Variants in RPS6KC1 observed in about 807,000 individuals in gnomAD.
The protein encoded by RPS6KC1 is inactive ribosomal protein S6 kinase delta-1.
In RPS6KC1, 54 loss-of-function variants were observed where a neutral mutation model predicts 103.8. The observed-to-expected ratio is 0.52, with a 90% confidence interval of 0.42 to 0.65. The LOEUF is 0.65. RPS6KC1 is among the 30% of genes least tolerant of loss of function. The pLI is 0.00. For missense variants in RPS6KC1, 1,151 were observed against 1,253.8 expected (o/e 0.92, Z 1.24); for synonymous variants, 439 against 438.7 (o/e 1.00, Z -0.01).
the RPS6KC1 span, among the ~76,000 whole-genome samples, chr1:213,496,859 A>C: frequency 2.1e-3 from 322 of 152,316 alleles, no homozygotes; most frequent in African/African-American, 7.0e-3. Context: ...GAGTGCAATG[A>C]CCTTGTATCA....
the RPS6KC1 span, among the ~76,000 whole-genome samples, chr1:213,428,480 C>CCCTTCCTTCCTTCCTTCCTTCCTTCCTT: frequency 4.9e-4 from 14 of 28,482 alleles, no homozygotes; most frequent in African/African-American, 1.7e-3. Flanking sequence ...CTCCCTCCCT[C>CCCTTCCTTCCTTCCTTCCTTCCTTCCTT]CCTTCCTTCC....
At chr1:213,347,726 T>C in the RPS6KC1 span, among the ~76,000 whole-genome samples, 2 of 152,010 alleles carry the variant, frequency 1.3e-5, no homozygotes, top group Non-Finnish European at 2.9e-5. Flanking sequence ...AAATAAAATG[T>C]ATGGGTAATT....
chr1:213,418,005 ACT>A, the RPS6KC1 span, among the ~76,000 whole-genome samples: 4 of 152,034 alleles, frequency 2.6e-5, no homozygotes, highest in African/African-American at 9.7e-5. Flanking sequence ...ATGCTCTCTG[ACT>A]GAGGGGAAAG....
intron 4 of RPS6KC1, among the ~76,000 whole-genome samples, chr1:213,114,564 A>T (rs1325671205): frequency 6.6e-6 from 1 of 151,842 alleles, no homozygotes; most frequent in Non-Finnish European, 1.5e-5. Flanking sequence ...CTTCTGCCTA[A>T]TTGCCCTGGC....
chr1:213,165,559 G>T (rs1460686062), intron 6 of RPS6KC1, among the ~76,000 whole-genome samples: 1 of 152,058 alleles, frequency 6.6e-6, no homozygotes, highest in Non-Finnish European at 1.5e-5. Context: ...GAGTAGCTGG[G>T]ACTACAGGTT....
At chr1:213,127,588 T>A (rs1004492296) in intron 5 of RPS6KC1, among the ~76,000 whole-genome samples, 3 of 152,084 alleles carry the variant, frequency 2.0e-5, no homozygotes, top group African/African-American at 7.3e-5. Context: ...CTGTCATTAT[T>A]CAGACTTGTG....
At chr1:213,553,461 A>G in the RPS6KC1 span, among the ~76,000 whole-genome samples, 3 of 152,216 alleles carry the variant, frequency 2.0e-5, no homozygotes, top group South Asian at 2.1e-4. Flanking sequence ...TAGTGCTGCA[A>G]TAAACATATG....
At chr1:213,595,033 A>T in the RPS6KC1 span, among the ~76,000 whole-genome samples, 2 of 152,202 alleles carry the variant, frequency 1.3e-5, no homozygotes, top group Non-Finnish European at 2.9e-5. Flanking sequence ...CCGTTCCAGA[A>T]CAATACTTCT....
chr1:213,657,433 AAT>A, the RPS6KC1 span, among the ~76,000 whole-genome samples: 3 of 152,130 alleles, frequency 2.0e-5, no homozygotes, highest in African/African-American at 4.8e-5. Flanking sequence ...AGCTAAAAAA[AAT>A]AATGTAATTA....
the RPS6KC1 span, among the ~76,000 whole-genome samples, chr1:213,509,612 C>T: frequency 0.062 from 9,361 of 152,186 alleles, 339 homozygotes; most frequent in Middle Eastern, 0.095. Flanking sequence ...TTCTTAGCAG[C>T]GACTTGGGCT....
chr1:213,705,206 G>A, the RPS6KC1 span, among the ~76,000 whole-genome samples: 1 of 152,362 alleles, frequency 6.6e-6, no homozygotes. Context: ...TTCCTTCAAG[G>A]TGGCAAGTTC....
the RPS6KC1 span, among the ~76,000 whole-genome samples, chr1:213,558,416 G>C: frequency 6.6e-6 from 1 of 152,144 alleles, no homozygotes; most frequent in Admixed American, 6.5e-5. Context: ...TCAGGATGCT[G>C]CCAGCACCTG....
chr1:213,814,533 G>T, the RPS6KC1 span, among the ~76,000 whole-genome samples: 4 of 152,200 alleles, frequency 2.6e-5, no homozygotes. Context: ...TTACATTGTG[G>T]ATCCCAACAC....
chr1:213,217,888 T>C (rs2148738543), intron 8 of RPS6KC1, among the ~76,000 whole-genome samples: 1 of 152,290 alleles, frequency 6.6e-6, no homozygotes, highest in East Asian at 1.9e-4. Context: ...TAATAAGAGC[T>C]GTCTATGACA....
chr1:213,271,548 G>A (rs1170141254), intron 14 of RPS6KC1, among the ~76,000 whole-genome samples: 1 of 152,052 alleles, frequency 6.6e-6, no homozygotes, highest in South Asian at 2.1e-4. Context: ...GGCGGATCAC[G>A]AGGTCAGGAG....
chr1:213,637,700 T>C, the RPS6KC1 span, among the ~76,000 whole-genome samples: 1 of 152,178 alleles, frequency 6.6e-6, no homozygotes, highest in Non-Finnish European at 1.5e-5. Flanking sequence ...ACCAACAATG[T>C]AGGAGACTTT....
the RPS6KC1 span, among the ~76,000 whole-genome samples, chr1:213,666,861 A>C: frequency 6.6e-6 from 1 of 152,226 alleles, no homozygotes; most frequent in East Asian, 1.9e-4. Flanking sequence ...AAGCTCTCCA[A>C]AGGAAGATCT....
intron 6 of RPS6KC1, among the ~76,000 whole-genome samples, chr1:213,137,775 C>CTCTCTCTCTCTCTCTA (rs1295773311): frequency 1.9e-3 from 60 of 32,248 alleles, no homozygotes; most frequent in African/African-American, 5.9e-3. Flanking sequence ...CTCTCTCTCT[C>CTCTCTCTCTCTCTCTA]TCTATATATA....
At chr1:213,497,752 AG>A in the RPS6KC1 span, among the ~76,000 whole-genome samples, 1 of 152,138 alleles carries the variant, frequency 6.6e-6, no homozygotes, top group African/African-American at 2.4e-5. Context: ...AATAGTAAAA[AG>A]TAGTTAGTAA....
Sources: gnomAD v4.1 joint callset for allele counts (sites outside exome capture counted in the v4.1 genomes callset) on GRCh38, gnomAD v4.1.1 for gene constraint, MANE v1.5 for transcripts, NCBI Gene and HGNC (gene_info 2026-07-23, HGNC 2026-07-21) for gene names.